The following DPP9 variants were observed in gnomAD, a reference collection of about 807,000 sequenced individuals.
The protein encoded by DPP9 is dipeptidyl peptidase 9, also known as dipeptidyl peptidase IV-related protein-2.
Under a neutral mutation model 110.7 loss-of-function variants are expected in DPP9, and 50 were observed. The observed-to-expected ratio is 0.45, with a 90% CI of 0.36 to 0.57. The LOEUF is 0.57. DPP9 is among the 20% of genes least tolerant of loss of function. The pLI, the probability that DPP9 is intolerant of heterozygous loss-of-function variation, is 0.00. For missense variants in DPP9, 1,022 were observed against 1,217.9 expected, an observed-to-expected ratio of 0.84 and a Z score of 2.39; for synonymous variants, 561 against 514.4, an observed-to-expected ratio of 1.09 and a Z score of -1.23.
At position 4,684,122 on chromosome 19, in the gene DPP9, C is replaced by T. The variant is rs1173069522; in HGVS notation, c.2179-493G>A. ...GCCTTCAAGCGACTGATCCATGGGGCCCACTCATGTGAATGGGATGAGGGG... is the reference window on the plus strand; with the variant it reads ...GCCTTCAAGCGACTGATCCATGGGGTCCACTCATGTGAATGGGATGAGGGG... On this transcript the variant is annotated intron_variant, in intron 18 of 21. Coordinates refer to ENST00000262960, the MANE Select transcript of DPP9 (RefSeq NM_139159.5). This position sits in a 1 kb window ranked among gnomAD's most constrained non-coding sequence, Gnocchi z 4.8. 2 of 305,800 alleles carry T rather than the reference C, an allele frequency of 6.5e-6. No individual in the cohort carries two copies. The highest frequency in any genetic ancestry group is 8.2e-5 in the East Asian group (1 of 12,212). 18.9% of individuals were successfully genotyped at this position (305,800 alleles called of 1,614,324 possible). A position where few individuals can be genotyped will look rare whatever the true frequency, so the allele number is the denominator to read the frequency against.
rs1464704019 is a variant in DPP9 at position 4,718,695 on chromosome 19, T to A, written c.56+1156A>T. Among the ~76,000 whole-genome samples, 5 of 152,224 alleles carry A rather than the reference T, an allele frequency of 3.3e-5. 1 individual carries two copies. The highest frequency in any genetic ancestry group is 3.3e-4 in the Admixed American group (5 of 15,286). The stretch of plus-strand genomic sequence containing the variant: ...ATAAGGGAAGGGACACAGATCCCCT[T>A]CAGTAACTGACCCCTAAGGCATGTG... On this transcript the variant is annotated intron_variant, in intron 3 of 21. Transcript: ENST00000262960. This position sits in a 1 kb window ranked among gnomAD's most constrained non-coding sequence, Gnocchi z 4.3.
chr19:4,723,153 A>C (rs1189248935), intron 1 of DPP9, among the ~76,000 whole-genome samples: 1 of 152,238 alleles, frequency 6.6e-6, no homozygotes, highest in Non-Finnish European at 1.5e-5. Flanking sequence ...GTTGAGGATC[A>C]GGACTGGATT....
At position 4,687,327 on chromosome 19, in the gene DPP9, G is replaced by A. The variant is rs1315956077; in HGVS notation, c.1885+1430C>T. The stretch of plus-strand genomic sequence containing the variant: ...AACATGGCAGAGACAGGGCCAGGGT[G>A]GGTTGTCCTTGTACTGAGTGATGCC... On this transcript the variant is annotated intron_variant, in intron 16 of 21. Coordinates refer to ENST00000262960, the MANE Select transcript of DPP9 (RefSeq NM_139159.5). This position sits in a 1 kb window ranked among gnomAD's most constrained non-coding sequence, Gnocchi z 4.7. 6.6e-6 allele frequency among the ~76,000 whole-genome samples: 1 copy of A among 152,230 alleles called. No homozygotes were observed. The highest frequency in any genetic ancestry group is 2.4e-5 in the African/African-American group (1 of 41,470).
In DPP9 at chr19:4,705,978, G is replaced by A; in HGVS notation, c.314-8C>T. 1 of 1,612,216 alleles carries A rather than the reference G, an allele frequency of 6.2e-7. No individual in the cohort carries two copies. The highest frequency in any genetic ancestry group is 8.5e-7 in the Non-Finnish European group (1 of 1,178,668). On this transcript the variant is annotated splice_region_variant and splice_polypyrimidine_tract_variant and intron_variant, in intron 4 of 21. Coordinates refer to ENST00000262960, the MANE Select transcript of DPP9 (RefSeq NM_139159.5). ...GGCTGCCATATGGCATTCCTAAAGG[G>A]AGAAAGGAAACACCCAGAACGGGTA...
chr19:4,719,614 T>A, intron 3 of DPP9: 1 of 582,460 alleles, frequency 1.7e-6, no homozygotes, highest in South Asian at 2.0e-5. Flanking sequence ...CACCGTGAAG[T>A]GCCTGGGATG....
chr19:4,702,579 T>C (rs751667130), intron 8 of DPP9, 24 bp downstream of exon 8: 10 of 1,543,422 alleles, frequency 6.5e-6, no homozygotes, highest in African/African-American at 1.4e-5. Flanking sequence ...CCCGGGAGCA[T>C]GTTGAAAAAT....
Position 4,687,910 on chromosome 19 carries a change from G to C in DPP9, c.1885+847C>G, listed in dbSNP as rs1481684832. ...TGTCCTGGGCTCAGGCCATTCTCTT[G>C]CCTCAGCCTCCCGAGTAGTGGGACT... On this transcript the variant is annotated intron_variant, in intron 16 of 21. Coordinates refer to ENST00000262960, the MANE Select transcript of DPP9 (RefSeq NM_139159.5). This position sits in a 1 kb window ranked among gnomAD's most constrained non-coding sequence, Gnocchi z 4.7. Among the ~76,000 whole-genome samples, 1 of 151,934 alleles carries C rather than the reference G, an allele frequency of 6.6e-6. No individual in the cohort carries two copies. The highest frequency in any genetic ancestry group is 2.4e-5 in the African/African-American group (1 of 41,352).
chr19:4,702,780 G>T, intron 7 of DPP9, 64 bp from the exon 8 acceptor site: 2 of 1,043,474 alleles, frequency 1.9e-6, no homozygotes, highest in Admixed American at 2.2e-5. Flanking sequence ...GGGACAGCCA[G>T]GGGCTCAAGG....
At position 4,704,010 on chromosome 19, in the gene DPP9, C is replaced by A; in HGVS notation, c.645G>T (p.Gly215=). 6.2e-7 allele frequency: 1 copy of A among 1,614,030 alleles called. No individual in the cohort carries two copies. Among genetic ancestry groups the A allele is most frequent in the Non-Finnish European group, 8.5e-7 (1 of 1,179,886 alleles). Residue 215 remains glycine, a synonymous_variant, in exon 7 of 22, where the codon GGG becomes GGT. Coordinates refer to ENST00000262960, the MANE Select transcript of DPP9 (RefSeq NM_139159.5). The surrounding 1 kb of genome is among the most constrained non-coding windows in gnomAD (Gnocchi z 6.0). ...KPLEIKTQCS[G]PRMDPKICPA... ...GGCAGATTTTGGGGTCCATCCGGGGCCCTGAGCACTGGGTCTTGATTTCCA... is the reference window on the plus strand; with the variant it reads ...GGCAGATTTTGGGGTCCATCCGGGGACCTGAGCACTGGGTCTTGATTTCCA...
rs866525974 is a variant in DPP9, at chr19:4,698,111, G to A, written c.1075-460C>T. Reference sequence around the variant, plus strand: ...CAGGTGGGCTGGGCAAGCCAACGGCGGCACCCCAGCAGGTGCCTGGACCCA... The same window carrying A: ...CAGGTGGGCTGGGCAAGCCAACGGCAGCACCCCAGCAGGTGCCTGGACCCA... On this transcript the variant is annotated intron_variant, in intron 10 of 21. Transcript: ENST00000262960. This position sits in a 1 kb window ranked among gnomAD's most constrained non-coding sequence, Gnocchi z 4.2. Among the ~76,000 whole-genome samples, 2 of 152,260 alleles carry A rather than the reference G, an allele frequency of 1.3e-5. No homozygotes were observed. The highest frequency in any genetic ancestry group is 2.1e-4 in the South Asian group (1 of 4,816).
At chr19:4,712,044 A>G (rs1436699835) in intron 4 of DPP9, among the ~76,000 whole-genome samples, 1 of 152,164 alleles carries the variant, frequency 6.6e-6, no homozygotes, top group Non-Finnish European at 1.5e-5. Flanking sequence ...GCAGCCACAG[A>G]AAACTCCTCC....
At chr19:4,707,214 A>G (rs1360650729) in intron 4 of DPP9, among the ~76,000 whole-genome samples, 1 of 152,124 alleles carries the variant, frequency 6.6e-6, no homozygotes, top group African/African-American at 2.4e-5. Context: ...GCGGCTTTCC[A>G]CCTACGCATG....
intron 4 of DPP9, among the ~76,000 whole-genome samples, chr19:4,707,614 CTTTTTT>C (rs906371157): frequency 5.1e-5 from 4 of 78,408 alleles, no homozygotes; most frequent in African/African-American, 1.8e-4. Context: ...CTCATACTCG[CTTTTTT>C]TTTTTTTTTT....
Position 4,684,107 on chromosome 19 carries a change from G to A in DPP9, c.2179-478C>T, listed in dbSNP as rs771513320. Reference sequence around the variant, plus strand: ...GAGATCACTACTGCGGCCTTCAAGCGACTGATCCATGGGGCCCACTCATGT... The same window carrying A: ...GAGATCACTACTGCGGCCTTCAAGCAACTGATCCATGGGGCCCACTCATGT... On this transcript the variant is annotated intron_variant, in intron 18 of 21. Transcript: ENST00000262960. The surrounding 1 kb of genome is among the most constrained non-coding windows in gnomAD (Gnocchi z 4.8). 2.5e-5 allele frequency: 8 copies of A among 317,762 alleles called. No individual in the cohort carries two copies. Among genetic ancestry groups the A allele is most frequent in the South Asian group, 5.5e-5 (2 of 36,554 alleles). The allele number at this position is 317,762 out of a possible 1,614,324, so 19.7% of individuals were successfully genotyped here. A position where few individuals can be genotyped will look rare whatever the true frequency, so the allele number is the denominator to read the frequency against.
chr19:4,677,889 A>G (rs779737185), intron 21 of DPP9, among the ~76,000 whole-genome samples: 2 of 152,136 alleles, frequency 1.3e-5, no homozygotes, highest in African/African-American at 2.4e-5. Context: ...GCATGTGACA[A>G]ATGTGATTTG....
chr19:4,683,709 A>G, intron 18 of DPP9, 80 bp from the exon 19 acceptor site: 1 of 1,611,990 alleles, frequency 6.2e-7, no homozygotes, highest in Non-Finnish European at 8.5e-7. Flanking sequence ...TGCTCCTTTC[A>G]GGGCGTCTCT....
chr19:4,693,251 C>G lies in DPP9; in HGVS notation c.1516+1410G>C, dbSNP rs931523456. On this transcript the variant is annotated intron_variant, in intron 13 of 21. Transcript: ENST00000262960. This position sits in a 1 kb window ranked among gnomAD's most constrained non-coding sequence, Gnocchi z 5.0. ...GTGTCCCTGCTCTAACTTTGAAGAG[C>G]CTGGGCCGGGCTCCCGGACCACCCC... 6.6e-6 allele frequency among the ~76,000 whole-genome samples: 1 copy of G among 152,098 alleles called. No homozygotes were observed. The highest frequency in any genetic ancestry group is 2.4e-5 in the African/African-American group (1 of 41,442).
chr19:4,711,716 T>C (rs1305517235), intron 4 of DPP9, among the ~76,000 whole-genome samples: 1 of 131,524 alleles, frequency 7.6e-6, no homozygotes, highest in Non-Finnish European at 1.5e-5. Context: ...GAAGTTGCAG[T>C]GAGCCAAGAT....
rs2092158257 is a variant in DPP9, at chr19:4,700,362, T to A, written c.1013-85A>T. 1.8e-6 allele frequency: 2 copies of A among 1,140,450 alleles called. No individual in the cohort carries two copies. Among genetic ancestry groups the A allele is most frequent in the Non-Finnish European group, 2.5e-6 (2 of 807,408 alleles). 70.6% of individuals were successfully genotyped at this position (1,140,450 alleles called of 1,614,324 possible). ...GGCACGGGGGGCCTGGGCTGTGGGG[T>A]GACGTCCACAGAGAGGTGTACAATT... On this transcript the variant is annotated intron_variant, in intron 9 of 21. Coordinates refer to ENST00000262960, the MANE Select transcript of DPP9 (RefSeq NM_139159.5). The surrounding 1 kb of genome is among the most constrained non-coding windows in gnomAD (Gnocchi z 4.3).
Sources: gnomAD v4.1 joint callset for allele counts (sites outside exome capture counted in the v4.1 genomes callset) on GRCh38, gnomAD v4.1.1 for gene constraint, Gnocchi (gnomAD v3.1) non-coding constraint, MANE v1.5 for transcripts, NCBI Gene and HGNC (gene_info 2026-07-23, HGNC 2026-07-21) for gene names.